The following KIAA0825 variants were observed in gnomAD, a reference collection of about 807,000 sequenced individuals.
The protein encoded by KIAA0825 is KIAA0825, also known as uncharacterized protein KIAA0825.
Under a neutral mutation model 147.6 loss-of-function variants are expected in KIAA0825, and 119 were observed. The ratio of observed to expected loss-of-function variants is 0.81; its 90% CI spans 0.69 to 0.94. KIAA0825 has a LOEUF of 0.94. KIAA0825 is among the 40% of genes least tolerant of loss of function. KIAA0825 has a pLI of 0.00. For synonymous variants in KIAA0825, 470 were observed against 518.1 expected, an observed-to-expected ratio of 0.91 and a Z score of 1.26; for missense variants, 1,381 against 1,472.7, an observed-to-expected ratio of 0.94 and a Z score of 1.02.
intron 5 of KIAA0825, among the ~76,000 whole-genome samples, chr5:94,487,990 C>G (rs902371715): frequency 7.2e-5 from 11 of 152,206 alleles, no homozygotes; most frequent in Admixed American, 5.2e-4. Flanking sequence ...ATGGCTCCAT[C>G]TCGGCTCACT....
intron 20 of KIAA0825, among the ~76,000 whole-genome samples, chr5:94,261,542 A>C (rs1195843873): frequency 6.6e-6 from 1 of 152,166 alleles, no homozygotes; most frequent in Non-Finnish European, 1.5e-5. Flanking sequence ...TTGAGAGATA[A>C]GAAAACAAGA....
chr5:94,529,291 TA>T (rs1199944832), intron 3 of KIAA0825, among the ~76,000 whole-genome samples: 1 of 136,948 alleles, frequency 7.3e-6, no homozygotes, highest in Non-Finnish European at 1.5e-5. Context: ...TATATATGTA[TA>T]TATCATATAT....
At chr5:94,183,710 C>T (rs1769874079) in intron 20 of KIAA0825, among the ~76,000 whole-genome samples, 1 of 152,170 alleles carries the variant, frequency 6.6e-6, no homozygotes, top group African/African-American at 2.4e-5. Context: ...GTGAACACAT[C>T]CACATGCCAG....
At chr5:94,373,116 T>C (rs940401979) in intron 20 of KIAA0825, among the ~76,000 whole-genome samples, 3 of 152,206 alleles carry the variant, frequency 2.0e-5, no homozygotes, top group African/African-American at 7.2e-5. Context: ...TCAACAAGTT[T>C]CTAGGAAGTT....
chr5:94,443,359 T>TAC (rs70978110), intron 13 of KIAA0825, among the ~76,000 whole-genome samples: 3,669 of 148,690 alleles, frequency 0.025, 53 homozygotes, highest in African/African-American at 0.035. Flanking sequence ...TGTATATATA[T>TAC]ACACACACAC....
chr5:94,443,031 C>T (rs1004343529), intron 13 of KIAA0825, among the ~76,000 whole-genome samples: 6 of 151,958 alleles, frequency 3.9e-5, no homozygotes, highest in Non-Finnish European at 5.9e-5. Context: ...CACTTTATGC[C>T]GCTGTATCTG....
chr5:94,356,358 A>T (rs999894375), intron 20 of KIAA0825, among the ~76,000 whole-genome samples: 12 of 152,096 alleles, frequency 7.9e-5, no homozygotes, highest in Non-Finnish European at 1.8e-4. Context: ...CTGTAATCCC[A>T]GCACTTTGGG....
rs1158085552 is a variant in KIAA0825 at position 94,589,751 on chromosome 5, C to G, written c.-152-7168G>C. ...GTGTTCATCCAGGATATTTGATAAACTCTTATTTTTTCCAGTAGTTTTACA... is the reference window on the plus strand; with the variant it reads ...GTGTTCATCCAGGATATTTGATAAAGTCTTATTTTTTCCAGTAGTTTTACA... On this transcript the variant is annotated intron_variant, in intron 1 of 20. Transcript: ENST00000682413. Among the ~76,000 whole-genome samples the G allele has an allele frequency of 3.3e-5, 5 of 151,372 alleles. No homozygotes were observed. In the South Asian group the frequency reaches 8.3e-4, roughly 25 times the overall value.
intron 15 of KIAA0825, chr5:94,416,039 T>G (rs1214975393): frequency 1.3e-5 from 2 of 152,144 alleles, no homozygotes; most frequent in Non-Finnish European, 2.9e-5. Context: ...TTCAATTCAA[T>G]AAAGACTACA....
At chr5:94,243,440 A>G (rs931902423) in intron 20 of KIAA0825, among the ~76,000 whole-genome samples, 1 of 152,192 alleles carries the variant, frequency 6.6e-6, no homozygotes, top group African/African-American at 2.4e-5. Flanking sequence ...GAAGTAAGGC[A>G]GTTGAAAGTT....
At chr5:94,526,744 A>G (rs764370642) in intron 3 of KIAA0825, among the ~76,000 whole-genome samples, 3 of 152,038 alleles carry the variant, frequency 2.0e-5, no homozygotes, top group Non-Finnish European at 2.9e-5. Flanking sequence ...TGAATGTTAA[A>G]TATGTGGTAG....
intron 16 of KIAA0825, among the ~76,000 whole-genome samples, chr5:94,398,236 C>T (rs1223516400): frequency 6.6e-6 from 1 of 152,150 alleles, no homozygotes; most frequent in Non-Finnish European, 1.5e-5. Context: ...AGCTCTTCTC[C>T]TGTACTGTAA....
intron 2 of KIAA0825, among the ~76,000 whole-genome samples, chr5:94,554,181 T>A (rs1011850836): frequency 1.3e-5 from 2 of 152,226 alleles, no homozygotes; most frequent in Admixed American, 6.5e-5. Flanking sequence ...AGTAATCTCA[T>A]GTTCCCAGGT....
chr5:94,367,039 A>G (rs1487374408), intron 20 of KIAA0825, among the ~76,000 whole-genome samples: 2 of 152,238 alleles, frequency 1.3e-5, no homozygotes, highest in Non-Finnish European at 2.9e-5. Flanking sequence ...ACTTTTAAAT[A>G]AGGAAGAGGA....
chr5:94,386,509 T>C (rs1204471610), intron 18 of KIAA0825, 105 bp from the exon 19 acceptor site: 3 of 844,442 alleles, frequency 3.6e-6, no homozygotes, highest in Non-Finnish European at 3.7e-6. Context: ...ATTTGCTAGA[T>C]TACAGTGTAT....
intron 20 of KIAA0825, among the ~76,000 whole-genome samples, chr5:94,283,064 A>C (rs1174909545): frequency 6.6e-6 from 1 of 152,070 alleles, no homozygotes; most frequent in Non-Finnish European, 1.5e-5. Flanking sequence ...TGAAGAAATG[A>C]ATGTAAACAT....
chr5:94,371,046 TGGTGGGGGAGCG>T (rs1466146354), intron 20 of KIAA0825, among the ~76,000 whole-genome samples: 1 of 152,146 alleles, frequency 6.6e-6, no homozygotes, highest in Non-Finnish European at 1.5e-5. Flanking sequence ...ATTCAGGAGC[TGGTGGGGGAGCG>T]GGTGGGATAT....
intron 20 of KIAA0825, among the ~76,000 whole-genome samples, chr5:94,348,492 C>T (rs1251660970): frequency 6.6e-6 from 1 of 152,204 alleles, no homozygotes. Flanking sequence ...GCCCTATCTT[C>T]AGCCTCCTCA....
chr5:94,359,301 G>A (rs761870237), intron 20 of KIAA0825, among the ~76,000 whole-genome samples: 1 of 152,086 alleles, frequency 6.6e-6, no homozygotes, highest in African/African-American at 2.4e-5. Flanking sequence ...GTTCAACTAA[G>A]GCTAAGTACC....
Sources: gnomAD v4.1 joint callset for allele counts (sites outside exome capture counted in the v4.1 genomes callset) on GRCh38, gnomAD v4.1.1 for gene constraint, MANE v1.5 for transcripts, NCBI Gene and HGNC (gene_info 2026-07-23, HGNC 2026-07-21) for gene names.